Variants in CAST observed in about 807,000 individuals in gnomAD.
The protein encoded by CAST is MIR583 host.
CAST carries 76 observed loss-of-function variants against 119.6 expected under a neutral mutation model. The ratio of observed to expected loss-of-function variants is 0.64; its 90% CI spans 0.53 to 0.77. The LOEUF (loss-of-function observed/expected upper bound fraction) is 0.77, where lower values mean the gene tolerates loss of function less well. CAST is among the 30% of genes least tolerant of loss of function. The pLI is 0.00. For synonymous variants in CAST, 319 were observed against 331.6 expected (o/e 0.96, Z 0.41); for missense variants, 953 against 946.5 (o/e 1.01, Z -0.09).
At chr5:95,994,139 A>G in the CAST span, among the ~76,000 whole-genome samples, 6 of 152,124 alleles carry the variant, frequency 3.9e-5, no homozygotes, top group Non-Finnish European at 8.8e-5. Context: ...TGCTAACCAT[A>G]TGACCCAACA....
At chr5:95,971,065 T>C in the CAST span, among the ~76,000 whole-genome samples, 3 of 152,194 alleles carry the variant, frequency 2.0e-5, no homozygotes. Context: ...AGTCAACAGA[T>C]TGTATTAAAC....
At chr5:96,152,451 A>T in the CAST span, among the ~76,000 whole-genome samples, 6 of 152,144 alleles carry the variant, frequency 3.9e-5, no homozygotes, top group African/African-American at 1.2e-4. Flanking sequence ...CTCTGGGCAG[A>T]GGGCAATGCA....
At chr5:96,740,322 C>A (rs763671125) in intron 12 of CAST, among the ~76,000 whole-genome samples, 10 of 152,158 alleles carry the variant, frequency 6.6e-5, no homozygotes, top group Non-Finnish European at 1.0e-4. Context: ...GATTGATTGT[C>A]TCACAGTTCT....
At chr5:96,548,459 A>C (rs1746057361) in intron 1 of CAST, among the ~76,000 whole-genome samples, 2 of 152,194 alleles carry the variant, frequency 1.3e-5, no homozygotes, top group African/African-American at 4.8e-5. Context: ...ACCACCAAGG[A>C]TCCTGCAGAA....
At chr5:96,125,573 G>A in the CAST span, among the ~76,000 whole-genome samples, 1 of 152,070 alleles carries the variant, frequency 6.6e-6, no homozygotes. Context: ...GCTAGTAAAT[G>A]ATTTAACATT....
chr5:96,508,075 G>A, the CAST span, among the ~76,000 whole-genome samples: 1 of 151,652 alleles, frequency 6.6e-6, no homozygotes, highest in Non-Finnish European at 1.5e-5. Context: ...TGCCCAGGCT[G>A]GTCTTGAACT....
At chr5:96,488,860 T>C in the CAST span, among the ~76,000 whole-genome samples, 7 of 152,212 alleles carry the variant, frequency 4.6e-5, no homozygotes, top group Non-Finnish European at 8.8e-5. Flanking sequence ...AAGAACAAGA[T>C]CCAAACTCTC....
chr5:96,151,917 A>G, the CAST span, among the ~76,000 whole-genome samples: 18 of 152,228 alleles, frequency 1.2e-4, no homozygotes, highest in Middle Eastern at 3.2e-3. Flanking sequence ...CTAAGCTCCC[A>G]GTAACCCCAG....
chr5:96,547,986 T>TGTAA (rs112408013), intron 1 of CAST, among the ~76,000 whole-genome samples: 70,926 of 151,596 alleles, frequency 0.47, 17,212 homozygotes, highest in East Asian at 0.86. Flanking sequence ...ATAAATACAA[T>TGTAA]GTAAGTCTTT....
At position 96,695,892 on chromosome 5, in the gene CAST, A is replaced by G. The variant is rs1289892723; in HGVS notation, c.195A>G (p.Thr65=). ...CCTCCAGAACCTATGCTGGTGGAAC[A>G]GCCTCGGCCACCAAGGTCAGTGATT... is the stretch of plus-strand genomic sequence containing the variant. The part of the protein sequence containing the change: ...SQSSRTYAGG[T]ASATKVSASS... Residue 65 remains threonine, a synonymous_variant, in exon 3 of 32, where the codon ACA becomes ACG. Transcript: ENST00000675179. The G allele has an allele frequency of 6.2e-7, 1 of 1,612,588 alleles. No individual in the cohort carries two copies. The highest frequency in any genetic ancestry group is 1.1e-5 in the South Asian group (1 of 90,878).
intron 1 of CAST, among the ~76,000 whole-genome samples, chr5:96,564,874 A>C (rs1746439972): frequency 6.6e-6 from 1 of 152,142 alleles, no homozygotes; most frequent in African/African-American, 2.4e-5. Flanking sequence ...GTGCCACTGC[A>C]CTCTAGCCTG....
the CAST span, among the ~76,000 whole-genome samples, chr5:96,291,987 A>T: frequency 6.6e-6 from 1 of 151,984 alleles, no homozygotes; most frequent in Non-Finnish European, 1.5e-5. Flanking sequence ...GTTCTTAGGC[A>T]TTTGAAAGCC....
At chr5:96,674,496 T>C (rs903709421) in intron 1 of CAST, among the ~76,000 whole-genome samples, 2 of 152,154 alleles carry the variant, frequency 1.3e-5, no homozygotes, top group Non-Finnish European at 1.5e-5. Flanking sequence ...CTTTTCCCAC[T>C]TTTTTGAACA....
chr5:96,035,479 A>G, the CAST span, among the ~76,000 whole-genome samples: 1 of 152,102 alleles, frequency 6.6e-6, no homozygotes, highest in South Asian at 2.1e-4. Flanking sequence ...GACCTAAATT[A>G]TAATCTCCAA....
the CAST span, among the ~76,000 whole-genome samples, chr5:96,468,234 G>A: frequency 1.3e-5 from 2 of 152,030 alleles, no homozygotes; most frequent in South Asian, 2.1e-4. Flanking sequence ...CAGAAATGGG[G>A]AGTGTGGAGA....
chr5:96,323,415 G>A, the CAST span, among the ~76,000 whole-genome samples: 1 of 152,146 alleles, frequency 6.6e-6, no homozygotes, highest in Non-Finnish European at 1.5e-5. Context: ...TTATGACAAG[G>A]GGTATTTTGT....
the CAST span, among the ~76,000 whole-genome samples, chr5:96,399,717 T>C: frequency 6.6e-6 from 1 of 152,190 alleles, no homozygotes; most frequent in Non-Finnish European, 1.5e-5. Flanking sequence ...ATGGTGCATC[T>C]TAGACTGGGT....
intron 19 of CAST, among the ~76,000 whole-genome samples, chr5:96,749,373 TTAACTC>T (rs1418831171): frequency 6.6e-6 from 1 of 152,206 alleles, no homozygotes; most frequent in Non-Finnish European, 1.5e-5. Context: ...TAGTCCCTCT[TTAACTC>T]TAACATTTAT....
chr5:96,361,665 C>CT, the CAST span, among the ~76,000 whole-genome samples: 1 of 152,016 alleles, frequency 6.6e-6, no homozygotes, highest in Non-Finnish European at 1.5e-5. Context: ...GCTGCACCCA[C>CT]TGTCTAACCA....
Sources: gnomAD v4.1 joint callset for allele counts (sites outside exome capture counted in the v4.1 genomes callset) on GRCh38, gnomAD v4.1.1 for gene constraint, MANE v1.5 for transcripts, NCBI Gene and HGNC (gene_info 2026-07-23, HGNC 2026-07-21) for gene names.